ASB6: variants seen among roughly 807,000 people sequenced by gnomAD.
The protein encoded by ASB6 is ankyrin repeat and SOCS box protein 6.
Under a neutral mutation model 28.6 loss-of-function variants are expected in ASB6, and 24 were observed. That is an observed-to-expected ratio of 0.84 (90% CI 0.61 to 1.18). The LOEUF is 1.18. Ranked by LOEUF, ASB6 falls within the 50% of genes most tolerant of loss-of-function variation. The pLI is 0.00. For synonymous variants in ASB6, 267 were observed against 243.4 expected (o/e 1.10, Z -0.90); for missense variants, 519 against 559.8 (o/e 0.93, Z 0.74).
chr9:129,640,791 G>A, intron 1 of ASB6, 69 bp from the exon 2 acceptor site: 1 of 1,566,440 alleles, frequency 6.4e-7, no homozygotes, highest in South Asian at 1.1e-5. Flanking sequence ...CTGTGGGTTG[G>A]TGGGCTTTAG....
At position 129,635,976 on chromosome 9, in the gene ASB6, G is replaced by T. The variant is rs1205207360; in HGVS notation, c.*1814C>A. On this transcript the variant is annotated 3_prime_UTR_variant, in exon 6 of 6. Coordinates refer to ENST00000277458, the MANE Select transcript of ASB6 (RefSeq NM_017873.4). Reference sequence around the variant, plus strand: ...GGTGCTCATGTGCCAAGTCCTGCTTGGCAGTGGAGACCTGGGGCCCTTAAA... The same window carrying T: ...GGTGCTCATGTGCCAAGTCCTGCTTTGCAGTGGAGACCTGGGGCCCTTAAA... 1 of 154,958 alleles carries T rather than the reference G, an allele frequency of 6.5e-6. No homozygotes were observed. The highest frequency in any genetic ancestry group is 1.4e-5 in the Non-Finnish European group (1 of 69,976). 9.6% of individuals were successfully genotyped at this position (154,958 alleles called of 1,614,324 possible).
chr9:129,635,099 A>T lies in ASB6; in HGVS notation c.*2691T>A, dbSNP rs552654151. 7.4e-7 allele frequency: 1 copy of T among 1,350,710 alleles called. No individual in the cohort carries two copies. Among genetic ancestry groups the T allele is most frequent in the Admixed American group, 2.0e-5 (1 of 49,636 alleles). The allele number at this position is 1,350,710 out of a possible 1,614,324, so 83.7% of individuals were successfully genotyped here. A position where few individuals can be genotyped will look rare whatever the true frequency, so the allele number is the denominator to read the frequency against. ...AGCCAATGAGGCCATGTGTGCACAC[A>T]AAATGCTGGGCACAAATGAGGGGCT... On this transcript the variant is annotated 3_prime_UTR_variant, in exon 6 of 6. Transcript: ENST00000277458.
rs1831467657 is a variant in ASB6, at chr9:129,635,224, G to A, written c.*2566C>T. The A allele has an allele frequency of 6.2e-7, 1 of 1,610,550 alleles. No homozygotes were observed. The highest frequency in any genetic ancestry group is 1.1e-5 in the South Asian group (1 of 91,064). The stretch of plus-strand genomic sequence containing the variant: ...CCTCCCCAGGCCACCTCACCGATCA[G>A]CACCTGGCCGAGTTCCTGCGGCGCT... On this transcript the variant is annotated 3_prime_UTR_variant, in exon 6 of 6. Transcript: ENST00000277458.
chr9:129,638,113 C>G lies in ASB6; in HGVS notation c.943G>C (p.Glu315Gln). 1 of 1,614,192 alleles carries G rather than the reference C, an allele frequency of 6.2e-7. No homozygotes were observed. The highest frequency in any genetic ancestry group is 8.5e-7 in the Non-Finnish European group (1 of 1,180,038). Residue 315 changes from glutamate (E) to glutamine (Q), a missense_variant, in exon 6 of 6, where the codon GAA (glutamate) becomes CAA (glutamine). Physicochemically the swap from Glu to Gln is conservative, Grantham distance 29. Transcript: ENST00000277458. ...AGGAGGTCCGCATGGCTCTCGTCTT[C>G]CGTGCAGCCTGGGTGGGAACAGAGC... ...ERLCSHPGCT[E>Q]DESHADLLRK...
Position 129,639,224 on chromosome 9 carries a change from A to G in ASB6, c.489T>C (p.Asp163=). The G allele has an allele frequency of 6.2e-7, 1 of 1,610,448 alleles. No homozygotes were observed. The highest frequency in any genetic ancestry group is 8.5e-7 in the Non-Finnish European group (1 of 1,178,740). The change falls in exon 4 of 6, where the codon GAT becomes GAC. Residue 163 remains aspartate, a synonymous_variant. Transcript: ENST00000277458. ...CLQRLLDLGA[D]VNAADKHGKT... ...CACCATGCTTGTCAGCGGCATTGAC[A>G]TCAGCTCCAAGGTCCAGGAGGCGCT...
chr9:129,638,103 C>G lies in ASB6; in HGVS notation c.953G>C (p.Ser318Thr). ...AGCTTTGCGCAGGAGGTCCGCATGG[C>G]TCTCGTCTTCCGTGCAGCCTGGGTG... ...CSHPGCTEDE[S>T]HADLLRKAET... The change falls in exon 6 of 6, where the codon AGC becomes ACC. Residue 318 changes from serine to threonine, a missense_variant. Coordinates refer to ENST00000277458, the MANE Select transcript of ASB6 (RefSeq NM_017873.4). 6.2e-7 allele frequency: 1 copy of G among 1,614,188 alleles called. No homozygotes were observed. The highest frequency in any genetic ancestry group is 8.5e-7 in the Non-Finnish European group (1 of 1,180,042).
In ASB6 at chr9:129,638,086, G is replaced by A. The variant is rs1456762933; in HGVS notation, c.970C>T (p.Arg324Cys). Reference protein sequence around the residue: ...TEDESHADLLRKAETVLDLMV... With the variant: ...TEDESHADLLCKAETVLDLMV... ...AGATCCAGGACAGTCTCAGCTTTGC[G>A]CAGGAGGTCCGCATGGCTCTCGTCT... The change falls in exon 6 of 6, where the codon CGC becomes TGC. Residue 324 changes from arginine to cysteine, a missense_variant. Transcript: ENST00000277458. The A allele has an allele frequency of 1.1e-5, 18 of 1,614,054 alleles. No homozygotes were observed. In the Admixed American group the frequency reaches 1.3e-4, roughly 12 times the overall value.
At chr9:129,640,202 AAAATTACCTTCCCTTAGCTCT>A (rs1461402311) in intron 2 of ASB6, among the ~76,000 whole-genome samples, 1 of 152,144 alleles carries the variant, frequency 6.6e-6, no homozygotes, top group African/African-American at 2.4e-5. Context: ...TAAGTAGCAG[AAAATTACCTTCCCTTAGCTCT>A]GGGCACAGTG....
Position 129,635,084 on chromosome 9 carries a change from G to A in ASB6, c.*2706C>T, listed in dbSNP as rs1831452245. On this transcript the variant is annotated 3_prime_UTR_variant, in exon 6 of 6. Transcript: ENST00000277458. ...TCTCTCGGGACTGAGAGCCAATGAG[G>A]CCATGTGTGCACACAAAATGCTGGG... 2 of 1,119,682 alleles carry A rather than the reference G, an allele frequency of 1.8e-6. No homozygotes were observed. The highest frequency in any genetic ancestry group is 2.6e-6 in the Non-Finnish European group (2 of 781,934). 69.4% of individuals were successfully genotyped at this position (1,119,682 alleles called of 1,614,324 possible). A position where few individuals can be genotyped will look rare whatever the true frequency, so the allele number is the denominator to read the frequency against.
rs1831587041 is a variant in ASB6, at chr9:129,637,592, G to A, written c.*198C>T. ...GAGTGCCGCTGGAGGGAAGGGGGCA[G>A]TCTCTCTGGAAGAACCAGAGCTGCA... On this transcript the variant is annotated 3_prime_UTR_variant, in exon 6 of 6. Coordinates refer to ENST00000277458, the MANE Select transcript of ASB6 (RefSeq NM_017873.4). The A allele has an allele frequency of 2.2e-6, 1 of 449,648 alleles. No individual in the cohort carries two copies. The highest frequency in any genetic ancestry group is 3.9e-5 in the Admixed American group (1 of 25,716). The allele number at this position is 449,648 out of a possible 1,614,324, so 27.9% of individuals were successfully genotyped here.
At chr9:129,640,765 C>T (rs758979575) in intron 1 of ASB6, 43 bp from the exon 2 acceptor site, 2 of 1,607,938 alleles carry the variant, frequency 1.2e-6, no homozygotes, top group African/African-American at 1.3e-5. Context: ...GCTGTGGGAC[C>T]GGGTGACCGC....
chr9:129,639,759 C>T lies in ASB6; in HGVS notation c.296-251G>A, dbSNP rs536702434. ...TCTTCTGTAAGAAGGGACCATAAAA[C>T]GGGGCGCACCCTCTCAGAATGGCTG... is the stretch of plus-strand genomic sequence containing the variant. On this transcript the variant is annotated intron_variant, in intron 2 of 5. Transcript: ENST00000277458. Among the ~76,000 whole-genome samples the T allele has an allele frequency of 2.6e-5, 4 of 152,350 alleles. No homozygotes were observed. In the South Asian group the frequency reaches 6.2e-4, roughly 24 times the overall value.
chr9:129,635,526 C>T lies in ASB6; in HGVS notation c.*2264G>A. 1.3e-6 allele frequency: 2 copies of T among 1,557,862 alleles called. No homozygotes were observed. The highest frequency in any genetic ancestry group is 1.7e-6 in the Non-Finnish European group (2 of 1,149,820). ...CTGGTGGGGGGAGCTGGCAGCTGGGCAAGATCCAGGCGCCACGCTGGCGGT... is the reference window on the plus strand; with the variant it reads ...CTGGTGGGGGGAGCTGGCAGCTGGGTAAGATCCAGGCGCCACGCTGGCGGT... On this transcript the variant is annotated 3_prime_UTR_variant, in exon 6 of 6. Transcript: ENST00000277458.
chr9:129,635,773 G>T lies in ASB6; in HGVS notation c.*2017C>A, dbSNP rs145444758. Reference sequence around the variant, plus strand: ...GAATAGGGTGGCCACATCAGTAACCGATTCCCTGGGCCTCCAGCCCGGCCT... The same window carrying T: ...GAATAGGGTGGCCACATCAGTAACCTATTCCCTGGGCCTCCAGCCCGGCCT... On this transcript the variant is annotated 3_prime_UTR_variant, in exon 6 of 6. Coordinates refer to ENST00000277458, the MANE Select transcript of ASB6 (RefSeq NM_017873.4). The T allele has an allele frequency of 4.5e-3, 1,306 of 288,116 alleles. 19 individuals are homozygous for T. The highest frequency in any genetic ancestry group is 0.026 in the African/African-American group (1,195 of 45,676). 17.8% of individuals were successfully genotyped at this position (288,116 alleles called of 1,614,324 possible).
Position 129,641,887 on chromosome 9 carries a change from C to A in ASB6, c.113G>T (p.Arg38Leu). 1 of 1,588,148 alleles carries A rather than the reference C, an allele frequency of 6.3e-7. No homozygotes were observed. Among genetic ancestry groups the A allele is most frequent in the Non-Finnish European group, 8.6e-7 (1 of 1,167,878 alleles). The change falls in exon 1 of 6, where the codon CGG becomes CTG. Residue 38 changes from arginine to leucine, a missense_variant and splice_region_variant. Arg to Leu is a moderately radical substitution (Grantham distance 102, BLOSUM62 -2). Coordinates refer to ENST00000277458, the MANE Select transcript of ASB6 (RefSeq NM_017873.4). Reference sequence around the variant, plus strand: ...CAGCTCACGGGAGGGGGTGAGTTACCGGTCCAGAGACTCCTGCCGCTCGGG... The same window carrying A: ...CAGCTCACGGGAGGGGGTGAGTTACAGGTCCAGAGACTCCTGCCGCTCGGG... ...QDPERQESLD[R>L]PSYVASEESR...
At chr9:129,640,335 G>T in intron 2 of ASB6, 3 of 591,344 alleles carry the variant, frequency 5.1e-6, no homozygotes, top group Non-Finnish European at 8.3e-6. Flanking sequence ...ACTCGCTCTT[G>T]GAACAGAGGT....
intron 2 of ASB6, 153 bp downstream of exon 2, chr9:129,640,388 C>T: frequency 9.1e-7 from 1 of 1,094,274 alleles, no homozygotes; most frequent in South Asian, 1.9e-5. Context: ...GGAGGCCACC[C>T]AATGGGAGTT....
Position 129,640,696 on chromosome 9 carries a change from C to T in ASB6, c.140G>A (p.Ser47Asn), listed in dbSNP as rs552794846. 1 of 1,614,104 alleles carries T rather than the reference C, an allele frequency of 6.2e-7. No homozygotes were observed. Among genetic ancestry groups the T allele is most frequent in the East Asian group, 2.2e-5 (1 of 44,888 alleles). ...DRPSYVASEE[S>N]RILVLTELLE... is the part of the protein sequence containing the mutation. ...CAGCTCAGTGAGAACAAGGATTCGGCTCTCCTCGCTGGCGACATAACTGGG... is the reference window on the plus strand; with the variant it reads ...CAGCTCAGTGAGAACAAGGATTCGGTTCTCCTCGCTGGCGACATAACTGGG... The change falls in exon 2 of 6, where the codon AGC (serine) becomes AAC (asparagine). Residue 47 changes from serine to asparagine, a missense_variant. Physicochemically the swap from Ser to Asn is conservative, Grantham distance 46. Transcript: ENST00000277458.
intron 2 of ASB6, 110 bp downstream of exon 2, chr9:129,640,431 G>A (rs1334854930): frequency 7.1e-7 from 1 of 1,398,800 alleles, no homozygotes; most frequent in African/African-American, 1.5e-5. Context: ...AAATAAAGGG[G>A]GGGAAGTCAC....
Sources: gnomAD v4.1 joint callset for allele counts (sites outside exome capture counted in the v4.1 genomes callset) on GRCh38, gnomAD v4.1.1 for gene constraint, MANE v1.5 for transcripts, NCBI Gene and HGNC (gene_info 2026-07-23, HGNC 2026-07-21) for gene names.